Variants in RPS6KA2 observed in about 807,000 individuals in gnomAD.
RPS6KA2 encodes ribosomal protein S6 kinase alpha-2.
A neutral mutation model predicts 91.8 loss-of-function variants in RPS6KA2; 42 were observed. That is an observed-to-expected ratio of 0.46 (90% CI 0.36 to 0.59). The LOEUF (loss-of-function observed/expected upper bound fraction) is 0.59. Among genes scored for constraint, RPS6KA2 ranks in the 20% least tolerant of loss-of-function variants. The pLI, the probability that RPS6KA2 is intolerant of heterozygous loss-of-function variation, is 0.00. For missense variants in RPS6KA2, 798 were observed against 978.5 expected, an observed-to-expected ratio of 0.82 and a Z score of 2.46; for synonymous variants, 414 against 393.6, an observed-to-expected ratio of 1.05 and a Z score of -0.61.
chr6:166,731,086 T>C (rs1790497105), intron 2 of RPS6KA2, among the ~76,000 whole-genome samples: 1 of 151,894 alleles, frequency 6.6e-6, no homozygotes, highest in Admixed American at 6.6e-5. Context: ...CTACTAAAAA[T>C]ACAAAATTAG....
intron 7 of RPS6KA2, among the ~76,000 whole-genome samples, chr6:166,499,656 A>G (rs1185882337): frequency 1.3e-5 from 2 of 152,154 alleles, no homozygotes; most frequent in African/African-American, 4.8e-5. Context: ...TCCTTCTGCC[A>G]TGATTGTGAG....
chr6:166,756,645 C>T (rs939135122), intron 2 of RPS6KA2, among the ~76,000 whole-genome samples: 8 of 151,996 alleles, frequency 5.3e-5, no homozygotes, highest in Non-Finnish European at 1.2e-4. Context: ...GTCAGGAGTT[C>T]GAGACCAACC....
At chr6:166,507,953 G>T (rs781234143) in intron 5 of RPS6KA2, among the ~76,000 whole-genome samples, 2 of 100,786 alleles carry the variant, frequency 2.0e-5, no homozygotes, top group Non-Finnish European at 3.9e-5. Context: ...CAGCCCCCAT[G>T]CAAACCCCAC....
At chr6:166,511,716 G>A (rs1782483272) in intron 3 of RPS6KA2, among the ~76,000 whole-genome samples, 1 of 152,132 alleles carries the variant, frequency 6.6e-6, no homozygotes, top group Admixed American at 6.5e-5. Context: ...TCCATATTTA[G>A]GACTTGTGAT....
At chr6:166,730,383 GTCA>G (rs1790475986) in intron 2 of RPS6KA2, among the ~76,000 whole-genome samples, 2 of 137,042 alleles carry the variant, frequency 1.5e-5, no homozygotes, top group Admixed American at 1.5e-4. Context: ...ATAAAAATAT[GTCA>G]TCAGTCATAA....
chr6:166,619,488 T>G (rs959415753), intron 1 of RPS6KA2, among the ~76,000 whole-genome samples: 1 of 152,246 alleles, frequency 6.6e-6, no homozygotes, highest in Non-Finnish European at 1.5e-5. Context: ...GCAAGCATAG[T>G]GTAGAACGCA....
chr6:166,524,890 C>T (rs1419249441), intron 3 of RPS6KA2, among the ~76,000 whole-genome samples: 15 of 152,168 alleles, frequency 9.9e-5, no homozygotes, highest in Admixed American at 9.8e-4. Context: ...TGTTCCTGGC[C>T]CCTGTATCAG....
chr6:166,801,556 A>G (rs1284834283), intron 2 of RPS6KA2, among the ~76,000 whole-genome samples: 1 of 152,160 alleles, frequency 6.6e-6, no homozygotes, highest in Non-Finnish European at 1.5e-5. Flanking sequence ...TGTGTTGCCC[A>G]GGCTGGTCTC....
At chr6:166,688,243 C>G (rs527429432) in intron 2 of RPS6KA2, among the ~76,000 whole-genome samples, 2 of 152,250 alleles carry the variant, frequency 1.3e-5, no homozygotes, top group East Asian at 3.9e-4. Context: ...CTGGGTGTCT[C>G]CCTGGCTCAC....
chr6:166,596,878 T>C (rs1481689498), intron 1 of RPS6KA2, among the ~76,000 whole-genome samples: 2 of 152,172 alleles, frequency 1.3e-5, no homozygotes, highest in African/African-American at 4.8e-5. Context: ...AAATCTTTAC[T>C]GTGGGACCAG....
intron 2 of RPS6KA2, among the ~76,000 whole-genome samples, chr6:166,670,185 A>C (rs73259056): frequency 0.029 from 4,449 of 152,336 alleles, 221 homozygotes; most frequent in African/African-American, 0.1. Context: ...TGTAAAGGTA[A>C]TAGGGAGTGG....
At chr6:166,452,951 G>T (rs1406348547) in intron 12 of RPS6KA2, among the ~76,000 whole-genome samples, 4 of 152,166 alleles carry the variant, frequency 2.6e-5, no homozygotes, top group Admixed American at 6.5e-5. Flanking sequence ...TGTAATCCCA[G>T]CACTTTGGGA....
At chr6:166,458,176 G>T (rs748303112) in intron 12 of RPS6KA2, among the ~76,000 whole-genome samples, 10 of 152,168 alleles carry the variant, frequency 6.6e-5, no homozygotes, top group Non-Finnish European at 1.3e-4. Flanking sequence ...CAAATCTCAG[G>T]CTCTGTGTCC....
intron 2 of RPS6KA2, among the ~76,000 whole-genome samples, chr6:166,822,824 C>T (rs931829134): frequency 3.3e-5 from 5 of 149,426 alleles, no homozygotes; most frequent in African/African-American, 1.2e-4. Context: ...AATGCAATCC[C>T]ATGTTGCCAG....
chr6:166,534,205 C>T (rs576272345), intron 2 of RPS6KA2, among the ~76,000 whole-genome samples: 2 of 105,588 alleles, frequency 1.9e-5, no homozygotes, highest in Non-Finnish European at 3.4e-5. Context: ...CTGGGCGAAA[C>T]AGCGAGACTC....
chr6:166,793,860 G>A (rs139302716), intron 2 of RPS6KA2, among the ~76,000 whole-genome samples: 2,853 of 151,368 alleles, frequency 0.019, 104 homozygotes, highest in African/African-American at 0.066. Flanking sequence ...AATTCAAGAC[G>A]GATTAAAGAC....
At chr6:166,711,824 C>T (rs1298652966) in intron 2 of RPS6KA2, among the ~76,000 whole-genome samples, 1 of 151,692 alleles carries the variant, frequency 6.6e-6, no homozygotes, top group African/African-American at 2.4e-5. Context: ...ATCCATGAAA[C>T]TGCAAACAAA....
At chr6:166,841,548 G>A (rs374893170) in intron 2 of RPS6KA2, among the ~76,000 whole-genome samples, 1 of 152,364 alleles carries the variant, frequency 6.6e-6, no homozygotes, top group East Asian at 1.9e-4. Flanking sequence ...CTTAATTGCA[G>A]AGGAAAAATA....
intron 1 of RPS6KA2, among the ~76,000 whole-genome samples, chr6:166,615,040 G>A (rs1174621255): frequency 6.6e-6 from 1 of 152,134 alleles, no homozygotes; most frequent in Non-Finnish European, 1.5e-5. Flanking sequence ...CTACACCTGA[G>A]CACCTGCGTC....
Sources: allele counts gnomAD v4.1 joint callset (sites outside exome capture counted in the v4.1 genomes callset), GRCh38; gene constraint gnomAD v4.1.1; transcripts MANE v1.5; gene names NCBI Gene and HGNC (gene_info 2026-07-23, HGNC 2026-07-21).